EYS: variants seen among roughly 807,000 people sequenced by gnomAD.
EYS encodes protein eyes shut homolog.
A neutral mutation model predicts 282.1 loss-of-function variants in EYS; 250 were observed. That is an observed-to-expected ratio of 0.89 (90% CI 0.80 to 0.98). The LOEUF (loss-of-function observed/expected upper bound fraction) is 0.98, where lower values mean the gene tolerates loss of function less well. Among genes scored for constraint, EYS ranks in the 50% least tolerant of loss-of-function variants. The pLI is 0.00. For synonymous variants in EYS, 1,355 were observed against 1,282.9 expected (o/e 1.06, Z -1.20); for missense variants, 4,016 against 3,709.0 (o/e 1.08, Z -2.15).
rs544084249 is a variant in EYS, at chr6:64,435,919, G to A, written c.5927+255C>T. 5.3e-4 allele frequency among the ~76,000 whole-genome samples: 80 copies of A among 152,010 alleles called. 1 individual carries two copies. The highest frequency in any genetic ancestry group is 2.7e-3 in the South Asian group (13 of 4,828). ...AGTTGATTTGTTACAACAGCCATAT[G>A]AGAAAAATATGAGGCTTTTATGGAT... On this transcript the variant is annotated intron_variant, in intron 28 of 42. Coordinates refer to ENST00000503581, the MANE Select transcript of EYS (RefSeq NM_001142800.2).
intron 36 of EYS, among the ~76,000 whole-genome samples, chr6:63,850,566 A>C (rs1463943390): frequency 6.6e-6 from 1 of 152,208 alleles, no homozygotes; most frequent in Non-Finnish European, 1.5e-5. Context: ...TTTCATATCC[A>C]GTCAAACTAA....
At chr6:65,413,168 C>A (rs1363987144) in intron 5 of EYS, among the ~76,000 whole-genome samples, 1 of 152,034 alleles carries the variant, frequency 6.6e-6, no homozygotes, top group Non-Finnish European at 1.5e-5. Flanking sequence ...CCTAGACCCC[C>A]AAATTAAGAT....
rs1478427973 is a variant in EYS at position 64,590,361 on chromosome 6, C to A, written c.5506G>T (p.Glu1836Ter). 6.4e-7 allele frequency: 1 copy of A among 1,551,148 alleles called. No homozygotes were observed. Among genetic ancestry groups the A allele is most frequent in the Admixed American group, 2.0e-5 (1 of 50,946 alleles). The change falls in exon 26 of 43, where the codon GAA becomes TAA. Residue 1836 changes from glutamate (E) to a stop codon, truncating the protein, a stop_gained. Transcript: ENST00000503581. LOFTEE classifies it high-confidence loss of function. ...SLKKEVKTSS[E>*]WSKWELQPSV... ...GGCTGAAGTTCCCATTTGGACCATT[C>A]TGAAGAAGTCTTGACCTCTTTTTTA...
At chr6:65,150,644 C>T (rs762403482) in intron 12 of EYS, among the ~76,000 whole-genome samples, 1 of 151,802 alleles carries the variant, frequency 6.6e-6, no homozygotes, top group African/African-American at 2.4e-5. Flanking sequence ...TCTTCATCTG[C>T]CATATATTGA....
At chr6:64,269,318 G>A (rs1024497586) in intron 30 of EYS, among the ~76,000 whole-genome samples, 5 of 151,952 alleles carry the variant, frequency 3.3e-5, no homozygotes, top group Non-Finnish European at 7.4e-5. Flanking sequence ...AAATCAGTGC[G>A]ACTAACATAG....
intron 26 of EYS, among the ~76,000 whole-genome samples, chr6:64,444,415 T>C (rs1337573799): frequency 6.6e-6 from 1 of 152,174 alleles, no homozygotes; most frequent in African/African-American, 2.4e-5. Flanking sequence ...TATTATTTTA[T>C]AGCTTTTAGA....
chr6:64,572,598 T>G (rs1233518029), intron 26 of EYS, among the ~76,000 whole-genome samples: 1 of 152,156 alleles, frequency 6.6e-6, no homozygotes, highest in African/African-American at 2.4e-5. Flanking sequence ...AAAATCAATG[T>G]GCAAAAATCA....
chr6:64,977,498 T>G (rs1333841890), intron 14 of EYS, among the ~76,000 whole-genome samples: 1 of 151,746 alleles, frequency 6.6e-6, no homozygotes, highest in South Asian at 2.1e-4. Flanking sequence ...TGAGGCCAAT[T>G]AATAACCCTA....
chr6:64,368,377 C>G (rs570205174), intron 29 of EYS, among the ~76,000 whole-genome samples: 3 of 152,156 alleles, frequency 2.0e-5, no homozygotes, highest in African/African-American at 4.8e-5. Flanking sequence ...TTGCCTTGCT[C>G]TTTGTGAATA....
chr6:63,948,593 C>G (rs1370863565), intron 35 of EYS, among the ~76,000 whole-genome samples: 2 of 148,352 alleles, frequency 1.3e-5, no homozygotes, highest in African/African-American at 4.9e-5. Flanking sequence ...CTCTCTCTCC[C>G]TGATTTCCTT....
At chr6:63,805,860 T>C (rs1770892861) in intron 37 of EYS, among the ~76,000 whole-genome samples, 1 of 152,196 alleles carries the variant, frequency 6.6e-6, no homozygotes, top group South Asian at 2.1e-4. Flanking sequence ...CCACCATGCT[T>C]GTAAATTTCC....
At chr6:65,527,261 C>A (rs1169905297) in intron 2 of EYS, among the ~76,000 whole-genome samples, 1 of 152,130 alleles carries the variant, frequency 6.6e-6, no homozygotes, top group Non-Finnish European at 1.5e-5. Flanking sequence ...TATCACCTCC[C>A]TAACTCACAC....
At chr6:63,839,957 A>G (rs1055056260) in intron 36 of EYS, among the ~76,000 whole-genome samples, 4 of 151,490 alleles carry the variant, frequency 2.6e-5, no homozygotes, top group Non-Finnish European at 5.9e-5. Flanking sequence ...TTCCTTGCTG[A>G]TAAATGATTT....
chr6:64,893,575 A>T (rs1379459747), intron 18 of EYS, among the ~76,000 whole-genome samples: 1 of 152,002 alleles, frequency 6.6e-6, no homozygotes, highest in East Asian at 1.9e-4. Context: ...AAGACAATCA[A>T]ATGTGACTAC....
chr6:65,451,098 C>G (rs985876151), intron 5 of EYS, among the ~76,000 whole-genome samples: 4 of 151,944 alleles, frequency 2.6e-5, no homozygotes, highest in African/African-American at 7.3e-5. Context: ...TTATTCTTCA[C>G]TTATCTTTGC....
At chr6:63,742,178 G>A (rs969564680) in intron 41 of EYS, among the ~76,000 whole-genome samples, 1 of 152,098 alleles carries the variant, frequency 6.6e-6, no homozygotes, top group African/African-American at 2.4e-5. Flanking sequence ...TTTTGCTCTT[G>A]TGGGAGGCCT....
chr6:63,841,241 C>A (rs1347996121), intron 36 of EYS, among the ~76,000 whole-genome samples: 3 of 152,088 alleles, frequency 2.0e-5, no homozygotes, highest in African/African-American at 7.2e-5. Context: ...TTTTTGCTAA[C>A]ATAATCAGTA....
At chr6:64,237,700 C>A (rs539308470) in intron 30 of EYS, among the ~76,000 whole-genome samples, 19 of 152,200 alleles carry the variant, frequency 1.2e-4, no homozygotes, top group African/African-American at 4.3e-4. Context: ...GTTTGAATTG[C>A]CAGCATTCTC....
chr6:64,138,026 C>T (rs996786513), intron 31 of EYS, among the ~76,000 whole-genome samples: 6 of 152,172 alleles, frequency 3.9e-5, no homozygotes, highest in Non-Finnish European at 5.9e-5. Flanking sequence ...AGAATAGTGA[C>T]TTTAAGCACT....
Sources: allele counts gnomAD v4.1 joint callset (sites outside exome capture counted in the v4.1 genomes callset), GRCh38; gene constraint gnomAD v4.1.1; transcripts MANE v1.5; gene names NCBI Gene and HGNC (gene_info 2026-07-23, HGNC 2026-07-21).